Variants in CROCC observed in about 807,000 individuals in gnomAD.
The protein encoded by CROCC is rootletin.
In CROCC, 180 loss-of-function variants were observed where a neutral mutation model predicts 245.2. The observed-to-expected ratio is 0.73, with a 90% confidence interval of 0.65 to 0.83. The LOEUF is 0.83. Among genes scored for constraint, CROCC ranks in the 40% least tolerant of loss-of-function variants. The pLI is 0.00. For missense variants in CROCC, 2,688 were observed against 2,779.4 expected (o/e 0.97, Z 0.74); for synonymous variants, 1,205 against 1,241.6 (o/e 0.97, Z 0.62).
At chr1:16,965,026 G>A (rs2076395883) in intron 27 of CROCC, among the ~76,000 whole-genome samples, 1 of 151,960 alleles carries the variant, frequency 6.6e-6, no homozygotes, top group African/African-American at 2.4e-5. Flanking sequence ...ATGTTGGCCA[G>A]GCTTGCCTTG....
At chr1:16,959,793 T>C (rs893255386) in intron 26 of CROCC, among the ~76,000 whole-genome samples, 11 of 152,130 alleles carry the variant, frequency 7.2e-5, no homozygotes, top group African/African-American at 2.4e-4. Flanking sequence ...CAGCTCCCTT[T>C]GGAACCAGTG....
chr1:16,944,026 A>C (rs563253544), intron 13 of CROCC, 74 bp from the exon 14 acceptor site: 1 of 1,389,162 alleles, frequency 7.2e-7, no homozygotes, highest in South Asian at 1.5e-5. Flanking sequence ...TCATGGCTAG[A>C]GGAGCAGCCA....
upstream of CROCC, among the ~76,000 whole-genome samples, chr1:16,920,055 G>A (rs1263429158): frequency 6.6e-6 from 1 of 150,930 alleles, no homozygotes; most frequent in Non-Finnish European, 1.5e-5. Context: ...CCACGCCCCA[G>A]CTAATTTTTT....
In CROCC at chr1:16,955,430, G is replaced by A. The variant is rs376060247; in HGVS notation, c.3584G>A (p.Arg1195His). 8 of 1,600,022 alleles carry A rather than the reference G, an allele frequency of 5.0e-6. No individual in the cohort carries two copies. The highest frequency in any genetic ancestry group is 2.7e-5 in the African/African-American group (2 of 74,782). ...AGCCAGGAGGGCCGGGAGGTGCAGC[G>A]CCAGGAGGCAGGCGAGCTGCGACGC... is the stretch of plus-strand genomic sequence containing the variant. ...RESQEGREVQRQEAGELRRSL... is the reference protein window; with the variant it reads ...RESQEGREVQHQEAGELRRSL... Residue 1195 changes from arginine to histidine, a missense_variant, in exon 24 of 37, where the codon CGC (arginine) becomes CAC (histidine). Coordinates refer to ENST00000375541, the MANE Select transcript of CROCC (RefSeq NM_014675.5).
chr1:16,966,532 G>A lies in CROCC; in HGVS notation c.4821G>A (p.Arg1607=). The A allele has an allele frequency of 1.3e-6, 2 of 1,510,240 alleles. No homozygotes were observed. Among genetic ancestry groups the A allele is most frequent in the Admixed American group, 4.2e-5 (2 of 47,402 alleles). The allele number at this position is 1,510,240 out of a possible 1,614,324, so 93.6% of individuals were successfully genotyped here. A position where few individuals can be genotyped will look rare whatever the true frequency, so the allele number is the denominator to read the frequency against. Residue 1607 remains arginine, a synonymous_variant, in exon 30 of 37, where the codon AGG becomes AGA. Transcript: ENST00000375541. The surrounding 1 kb of genome is among the most constrained non-coding windows in gnomAD (Gnocchi z 4.8). The part of the protein sequence containing the change: ...ATLDQVATLE[R]SLQATESELR... ...TGGACCAGGTGGCCACACTGGAGAG[G>A]AGCCTGCAGGCCACCGAGAGCGAGC...
rs566782178 is a variant in CROCC, at chr1:16,924,266, G to A, written c.197-59G>A. On this transcript the variant is annotated intron_variant, in intron 2 of 36. Transcript: ENST00000375541. ...GGATGGTTTTCTTGCCCTCCCTGTT[G>A]GGGGGAGGATGTCCCACTGGACCCA... The A allele has an allele frequency of 8.8e-6, 14 of 1,582,670 alleles. No homozygotes were observed. The Admixed American group carries it at 1.4e-4, about 15-fold the overall frequency.
intron 9 of CROCC, among the ~76,000 whole-genome samples, chr1:16,937,093 A>C (rs1286546880): frequency 6.6e-6 from 1 of 152,274 alleles, no homozygotes; most frequent in Non-Finnish European, 1.5e-5. Flanking sequence ...GGTGGCTCAC[A>C]CCTGTAATCC....
intron 23 of CROCC, 117 bp from the exon 24 acceptor site, chr1:16,955,195 T>A: frequency 1.0e-6 from 1 of 961,054 alleles, no homozygotes; most frequent in Non-Finnish European, 1.6e-6. Context: ...CAGCCTGCGG[T>A]CTGAGCACTG....
At chr1:16,920,904 C>T (rs192234042), upstream of CROCC, among the ~76,000 whole-genome samples, 19 of 152,290 alleles carry the variant, frequency 1.2e-4, no homozygotes, top group African/African-American at 2.9e-4. Flanking sequence ...CCACCACACC[C>T]GGCTAATTTT....
At chr1:16,962,197 G>T (rs1265531101) in intron 27 of CROCC, among the ~76,000 whole-genome samples, 3 of 151,382 alleles carry the variant, frequency 2.0e-5, no homozygotes, top group Non-Finnish European at 2.9e-5. Context: ...TGAGTAGCTG[G>T]GAGACTACAG....
chr1:16,966,922 G>C lies in CROCC; in HGVS notation c.4860+351G>C, dbSNP rs971699085. ...GAAAAATACTTAGCTGGGCATGGTGGTGTGGGCCTGTAGTCCCAGCTACTC... is the reference window on the plus strand; with the variant it reads ...GAAAAATACTTAGCTGGGCATGGTGCTGTGGGCCTGTAGTCCCAGCTACTC... On this transcript the variant is annotated intron_variant, in intron 30 of 36. Coordinates refer to ENST00000375541, the MANE Select transcript of CROCC (RefSeq NM_014675.5). This position sits in a 1 kb window ranked among gnomAD's most constrained non-coding sequence, Gnocchi z 4.8. Among the ~76,000 whole-genome samples, 4 of 152,148 alleles carry C rather than the reference G, an allele frequency of 2.6e-5. No individual in the cohort carries two copies. In the South Asian group the frequency reaches 8.3e-4, roughly 32 times the overall value.
In CROCC at chr1:16,954,936, G is replaced by A. The variant is rs1355776818; in HGVS notation, c.3465+59G>A. On this transcript the variant is annotated intron_variant, in intron 23 of 36. Transcript: ENST00000375541. The surrounding 1 kb of genome is among the most constrained non-coding windows in gnomAD (Gnocchi z 4.4). ...CCCTAAATGGCACTGTGTGCCTGGG[G>A]GCCTAGTTCCCCAGGGCCCCAGAAG... 2.8e-6 allele frequency: 4 copies of A among 1,453,490 alleles called. No homozygotes were observed. The highest frequency in any genetic ancestry group is 3.7e-6 in the Non-Finnish European group (4 of 1,095,844). The allele number at this position is 1,453,490 out of a possible 1,614,324, so 90.0% of individuals were successfully genotyped here. A position where few individuals can be genotyped will look rare whatever the true frequency, so the allele number is the denominator to read the frequency against.
In CROCC at chr1:16,972,493, G is replaced by GAT; in HGVS notation, c.*47_*48insAT. The GAT allele has an allele frequency of 7.0e-7, 1 of 1,427,462 alleles. No homozygotes were observed. The highest frequency in any genetic ancestry group is 1.3e-5 in the South Asian group (1 of 79,024). 88.4% of individuals were successfully genotyped at this position (1,427,462 alleles called of 1,614,324 possible). A position where few individuals can be genotyped will look rare whatever the true frequency, so the allele number is the denominator to read the frequency against. On this transcript the variant is annotated 3_prime_UTR_variant, in exon 37 of 37. Transcript: ENST00000375541. ...ACACCCCTGTGCCTGGGACAGGGGA[G>GAT]GACCCTTCTTTTGGACAGCCCCCCC...
In CROCC at chr1:16,953,118, T is replaced by C; in HGVS notation, c.3007-184T>C. The C allele has an allele frequency of 4.9e-6, 3 of 606,440 alleles. No homozygotes were observed. In the South Asian group the frequency reaches 6.2e-5, roughly 13 times the overall value. 37.6% of individuals were successfully genotyped at this position (606,440 alleles called of 1,614,324 possible). A position where few individuals can be genotyped will look rare whatever the true frequency, so the allele number is the denominator to read the frequency against. ...GACCCCCAGGCCAGCCCACTGCTGCTCCTTGGCACTTTCACGGCCCTGGCG... is the reference window on the plus strand; with the variant it reads ...GACCCCCAGGCCAGCCCACTGCTGCCCCTTGGCACTTTCACGGCCCTGGCG... On this transcript the variant is annotated intron_variant, in intron 20 of 36. Coordinates refer to ENST00000375541, the MANE Select transcript of CROCC (RefSeq NM_014675.5).
chr1:16,915,859 G>T (rs1384574573), intron 1 of CROCC, among the ~76,000 whole-genome samples: 27 of 152,252 alleles, frequency 1.8e-4, no homozygotes, highest in Non-Finnish European at 3.4e-4. Context: ...AGAGGTGGGT[G>T]CCTGCCTGGT....
rs374384477 is a variant in CROCC at position 16,966,448 on chromosome 1, G to A, written c.4737G>A (p.Ala1579=). The change falls in exon 30 of 37, where the codon GCG becomes GCA. Residue 1579 remains alanine, a synonymous_variant. Transcript: ENST00000375541. This position sits in a 1 kb window ranked among gnomAD's most constrained non-coding sequence, Gnocchi z 4.8. ...ATGGGCGGCTGAGCGGGGTCCAGGC[G>A]GAGCTGGCGCTGCAGGAGGAGAGTG... ...SVDGRLSGVQ[A]ELALQEESVR... 122 of 1,537,512 alleles carry A rather than the reference G, an allele frequency of 7.9e-5. 1 individual carries two copies. In the South Asian group the frequency reaches 9.8e-4, roughly 12 times the overall value.
At chr1:16,929,765 C>A in intron 3 of CROCC, 81 bp from the exon 4 acceptor site, 3 of 1,445,846 alleles carry the variant, frequency 2.1e-6, no homozygotes, top group Middle Eastern at 5.1e-4. Flanking sequence ...TGGGTCTGGG[C>A]CCAGCCTGCC....
intron 26 of CROCC, 147 bp from the exon 27 acceptor site, chr1:16,960,611 C>A: frequency 8.8e-7 from 1 of 1,130,686 alleles, no homozygotes; most frequent in Non-Finnish European, 1.1e-6. Flanking sequence ...GATGTTTTTG[C>A]ACCGCCTGCT....
intron 13 of CROCC, among the ~76,000 whole-genome samples, chr1:16,940,619 A>G (rs2075909080): frequency 6.6e-6 from 1 of 152,146 alleles, no homozygotes; most frequent in African/African-American, 2.4e-5. Context: ...TGAACTCCTG[A>G]CCTCATGTTC....
Sources: gnomAD v4.1 joint callset for allele counts (sites outside exome capture counted in the v4.1 genomes callset) on GRCh38, gnomAD v4.1.1 for gene constraint, Gnocchi (gnomAD v3.1) non-coding constraint, MANE v1.5 for transcripts, NCBI Gene and HGNC (gene_info 2026-07-23, HGNC 2026-07-21) for gene names.